The following ZNG1E variants were observed in gnomAD, a reference collection of about 807,000 sequenced individuals.
ZNG1E encodes the protein Zn regulated GTPase metalloprotein activator 1E, also known as zinc-regulated GTPase metalloprotein activator 1E.
chr9:65,724,678 A>C, the ZNG1E span, among the ~76,000 whole-genome samples: 1 of 69,724 alleles, frequency 1.4e-5, no homozygotes, highest in African/African-American at 5.3e-5. Flanking sequence ...CTTTAACAAT[A>C]AAGCAATTTT....
At chr9:65,705,099 A>G in the ZNG1E span, among the ~76,000 whole-genome samples, 1 of 150,536 alleles carries the variant, frequency 6.6e-6, no homozygotes, top group African/African-American at 2.5e-5. Context: ...AGTTAAGATT[A>G]AGGAAAAGGA....
chr9:65,675,719 G>T, the ZNG1E span: 2 of 736,280 alleles, frequency 2.7e-6, no homozygotes, highest in Non-Finnish European at 4.3e-6. Flanking sequence ...TCTCCGCAGC[G>T]TCGCTCAGGT....
the ZNG1E span, among the ~76,000 whole-genome samples, chr9:65,705,143 A>C: frequency 1.3e-5 from 2 of 150,250 alleles, no homozygotes; most frequent in Non-Finnish European, 3.0e-5. Context: ...GGTAAGACTT[A>C]AGTTGATTTA....
chr9:65,679,569 T>C, the ZNG1E span: 2 of 471,462 alleles, frequency 4.2e-6, no homozygotes, highest in Non-Finnish European at 7.2e-6. Context: ...TATTTTATTT[T>C]TTTTGAGATG....
chr9:65,670,348 GA>G, the ZNG1E span, among the ~76,000 whole-genome samples: 1 of 140,032 alleles, frequency 7.1e-6, no homozygotes, highest in Non-Finnish European at 1.5e-5. Flanking sequence ...GTTATTGTCA[GA>G]AAGCTGAGCT....
At chr9:65,714,020 C>T in the ZNG1E span, among the ~76,000 whole-genome samples, 4 of 150,790 alleles carry the variant, frequency 2.7e-5, no homozygotes, top group Non-Finnish European at 5.9e-5. Context: ...GGTCTTTTCA[C>T]ATAGTCCCAT....
the ZNG1E span, among the ~76,000 whole-genome samples, chr9:65,718,232 GAA>G: frequency 7.2e-6 from 1 of 138,572 alleles, no homozygotes; most frequent in Non-Finnish European, 1.5e-5. Context: ...GGCTCATCTT[GAA>G]CTCCTGGCCT....
chr9:65,691,016 T>A, the ZNG1E span: 2 of 1,603,792 alleles, frequency 1.2e-6, no homozygotes. Context: ...GGAGTGATAT[T>A]TACCTTGATG....
At chr9:65,656,643 G>A in the ZNG1E span, among the ~76,000 whole-genome samples, 1 of 152,292 alleles carries the variant, frequency 6.6e-6, no homozygotes, top group East Asian at 1.9e-4. Context: ...GGCTGGAAAA[G>A]GTAAATAGAG....
At chr9:65,691,050 T>A in the ZNG1E span, 1 of 1,589,374 alleles carries the variant, frequency 6.3e-7, no homozygotes, top group Non-Finnish European at 8.5e-7. Flanking sequence ...CAGTTTTCTT[T>A]TATCTTTCTT....
the ZNG1E span, among the ~76,000 whole-genome samples, chr9:65,688,223 TAA>T: frequency 3.8e-5 from 5 of 133,230 alleles, no homozygotes; most frequent in African/African-American, 8.8e-5. Context: ...AAATTATTAA[TAA>T]TTATTAATTA....
chr9:65,732,879 G>A, the ZNG1E span: 1 of 1,581,842 alleles, frequency 6.3e-7, no homozygotes, highest in Admixed American at 1.9e-5. Flanking sequence ...CAGCTTAAGA[G>A]TTTGTATTTT....
At chr9:65,719,055 G>A in the ZNG1E span, among the ~76,000 whole-genome samples, 1 of 85,914 alleles carries the variant, frequency 1.2e-5, no homozygotes, top group Admixed American at 1.2e-4. Context: ...TTTTCAAAAT[G>A]TTTTTCTAAA....
the ZNG1E span, among the ~76,000 whole-genome samples, chr9:65,688,040 A>G: frequency 9.2e-5 from 14 of 151,482 alleles, no homozygotes; most frequent in East Asian, 2.3e-3. Context: ...TGTTCTTCGT[A>G]TGTATTCTAA....
chr9:65,719,946 T>A, the ZNG1E span: 2 of 1,506,348 alleles, frequency 1.3e-6, no homozygotes, highest in Non-Finnish European at 1.8e-6. Flanking sequence ...GAATAGTCAG[T>A]TATGGAAAGT....
At chr9:65,663,919 T>A in the ZNG1E span, among the ~76,000 whole-genome samples, 1 of 152,218 alleles carries the variant, frequency 6.6e-6, no homozygotes, top group East Asian at 1.9e-4. Context: ...CAAGGGTGTG[T>A]ATCATCACAA....
chr9:65,715,371 G>A, the ZNG1E span, among the ~76,000 whole-genome samples: 3 of 150,904 alleles, frequency 2.0e-5, no homozygotes, highest in African/African-American at 4.9e-5. Context: ...CGTCTCTCAC[G>A]CTGGGAGCTG....
the ZNG1E span, among the ~76,000 whole-genome samples, chr9:65,659,091 T>C: frequency 6.6e-6 from 1 of 152,246 alleles, no homozygotes; most frequent in Admixed American, 6.5e-5. Context: ...TGTGTTTCCG[T>C]GCTCAGAAGA....
the ZNG1E span, among the ~76,000 whole-genome samples, chr9:65,714,645 G>A: frequency 1.3e-5 from 2 of 152,102 alleles, no homozygotes; most frequent in African/African-American, 4.8e-5. Context: ...ACCCGGCCGT[G>A]TGAGGTGTCA....
Sources: allele counts gnomAD v4.1 joint callset (sites outside exome capture counted in the v4.1 genomes callset), GRCh38; gene constraint gnomAD v4.1.1; transcripts MANE v1.5; gene names NCBI Gene and HGNC (gene_info 2026-07-23, HGNC 2026-07-21).